Variants in GPR108 observed in about 807,000 individuals in gnomAD.
The protein encoded by GPR108 is protein GPR108.
Under a neutral mutation model 74.3 loss-of-function variants are expected in GPR108, and 60 were observed. The observed-to-expected ratio is 0.81, with a 90% CI of 0.66 to 1.00. The LOEUF (loss-of-function observed/expected upper bound fraction) is 1.00, where lower values mean the gene tolerates loss of function less well. GPR108 is among the 50% of genes least tolerant of loss of function. The pLI is 0.00. For synonymous variants in GPR108, 311 were observed against 292.4 expected, an observed-to-expected ratio of 1.06 and a Z score of -0.65; for missense variants, 667 against 703.3, an observed-to-expected ratio of 0.95 and a Z score of 0.58.
Position 6,734,048 on chromosome 19 carries a change from G to C in GPR108, c.506C>G (p.Thr169Ser). ...TGACTTGGGCTTGCTGGCTGCAGAG[G>C]TCCCTCCTGTAAGAGACCGGGCAGT... ...TVPRKVDGGG[T>S]SAASKPKSTP... Residue 169 changes from threonine (T) to serine (S), a missense_variant, in exon 6 of 18, where the codon ACC becomes AGC. Physicochemically the swap from Thr to Ser is moderately conservative, Grantham distance 58 (BLOSUM62 1). Coordinates refer to ENST00000264080, the MANE Select transcript of GPR108 (RefSeq NM_001080452.2). 6.2e-7 allele frequency: 1 copy of C among 1,614,182 alleles called. No homozygotes were observed. Among genetic ancestry groups the C allele is most frequent in the Admixed American group, 1.7e-5 (1 of 60,018 alleles).
In GPR108 at chr19:6,730,573, T is replaced by A; in HGVS notation, c.1560-189A>T. The A allele has an allele frequency of 7.1e-6, 4 of 563,524 alleles. No homozygotes were observed. In the Admixed American group the frequency reaches 1.2e-4, roughly 17 times the overall value. The allele number at this position is 563,524 out of a possible 1,614,324, so 34.9% of individuals were successfully genotyped here. A position where few individuals can be genotyped will look rare whatever the true frequency, so the allele number is the denominator to read the frequency against. ...AGCAGCGCAGGCCCTACCCTTCTAC[T>A]CCAACCACCTAGGCCCCGCCCCCAG... On this transcript the variant is annotated intron_variant, in intron 17 of 17. Transcript: ENST00000264080.
chr19:6,733,197 G>A lies in GPR108; in HGVS notation c.828C>T (p.Ile276=), dbSNP rs1411543058. 4 of 1,614,030 alleles carry A rather than the reference G, an allele frequency of 2.5e-6. No homozygotes were observed. The highest frequency in any genetic ancestry group is 3.3e-5 in the Admixed American group (2 of 60,010). ...TCCTGCAGAGGATGGACACCCAGAA[G>A]ATGCCAGCGGCCAGGAAGCAGGCGG... The part of the protein sequence containing the change: ...VMSACFLAAG[I]FWVSILCRNT... Residue 276 remains isoleucine, a synonymous_variant, in exon 9 of 18, where the codon ATC becomes ATT. Transcript: ENST00000264080.
intron 14 of GPR108, 36 bp from the exon 15 acceptor site, chr19:6,731,558 C>T: frequency 7.2e-6 from 1 of 138,734 alleles, no homozygotes; most frequent in East Asian, 1.9e-4. Flanking sequence ...TCAGGGGAGA[C>T]TGAGGGTGGG....
Position 6,730,296 on chromosome 19 carries a change from T to A in GPR108, c.*16A>T. 6.2e-7 allele frequency: 1 copy of A among 1,603,776 alleles called. No individual in the cohort carries two copies. Among genetic ancestry groups the A allele is most frequent in the Non-Finnish European group, 8.5e-7 (1 of 1,170,626 alleles). ...GCTGGGGGAGGACGACCCTTTGGTCTGAGATGTGGAGGTGATCATAACAGT... is the reference window on the plus strand; with the variant it reads ...GCTGGGGGAGGACGACCCTTTGGTCAGAGATGTGGAGGTGATCATAACAGT... On this transcript the variant is annotated 3_prime_UTR_variant, in exon 18 of 18. Transcript: ENST00000264080.
In GPR108 at chr19:6,730,343, T is replaced by C. The variant is rs376697654; in HGVS notation, c.1601A>G (p.Asn534Ser). The C allele has an allele frequency of 1.2e-6, 2 of 1,613,764 alleles. No individual in the cohort carries two copies. The highest frequency in any genetic ancestry group is 1.7e-6 in the Non-Finnish European group (2 of 1,179,894). ...CAGTTCCCGCCCGCTGGCTGTTTTG[T>C]TGACTTTGGAGAGGCCTTCCCGGAA... is the stretch of plus-strand genomic sequence containing the variant. ...SGFREGLSKV[N>S]KTASGRELL Residue 534 changes from asparagine (N) to serine (S), a missense_variant, in exon 18 of 18, where the codon AAC becomes AGC. Asn to Ser is a conservative substitution (Grantham distance 46). Transcript: ENST00000264080.
rs552931585 is a variant in GPR108 at position 6,734,022 on chromosome 19, T to C, written c.532A>G (p.Thr178Ala). The C allele has an allele frequency of 6.2e-7, 1 of 1,614,122 alleles. No homozygotes were observed. The highest frequency in any genetic ancestry group is 2.2e-5 in the East Asian group (1 of 44,882). The change falls in exon 6 of 18, where the codon ACA becomes GCA. Residue 178 changes from threonine to alanine, a missense_variant. Coordinates refer to ENST00000264080, the MANE Select transcript of GPR108 (RefSeq NM_001080452.2). The part of the protein sequence containing the change: ...GTSAASKPKS[T>A]PAVIQGPSGK... ...CCCGAAACCTGAATCACTGCGGGTGTTGACTTGGGCTTGCTGGCTGCAGAG... is the reference window on the plus strand; with the variant it reads ...CCCGAAACCTGAATCACTGCGGGTGCTGACTTGGGCTTGCTGGCTGCAGAG...
At chr19:6,733,105 C>G in intron 9 of GPR108, 43 bp from the exon 10 acceptor site, 6 of 1,613,440 alleles carry the variant, frequency 3.7e-6, no homozygotes, top group Non-Finnish European at 5.1e-6. Context: ...GGGGCATCAG[C>G]AGAGCATAGG....
intron 14 of GPR108, 30 bp downstream of exon 14, chr19:6,731,861 A>T: frequency 6.2e-7 from 1 of 1,610,120 alleles, no homozygotes; most frequent in Non-Finnish European, 8.5e-7. Flanking sequence ...TGGGGCCATG[A>T]GCAGAGGGCC....
intron 1 of GPR108, 69 bp downstream of exon 1, chr19:6,737,388 C>A (rs1307100563): frequency 9.1e-6 from 14 of 1,534,510 alleles, no homozygotes; most frequent in African/African-American, 1.4e-5. Context: ...CGAGACCACT[C>A]CAAGCCAGGG....
At chr19:6,733,966 G>C (rs1353552218) in intron 6 of GPR108, 39 bp downstream of exon 6, 8 of 1,614,120 alleles carry the variant, frequency 5.0e-6, no homozygotes, top group Non-Finnish European at 6.8e-6. Flanking sequence ...GCAGGGCCCT[G>C]GGGTGTGCAT....
rs1190134553 is a variant in GPR108, at chr19:6,733,827, G to A, written c.618+18C>T. ...GCTCTGGGGTGACGGAAGGGCCGCA[G>A]GCGCTGCAAACACTCACACTGAAGT... On this transcript the variant is annotated intron_variant, in intron 7 of 17. Coordinates refer to ENST00000264080, the MANE Select transcript of GPR108 (RefSeq NM_001080452.2). 1.2e-6 allele frequency: 2 copies of A among 1,613,686 alleles called. No homozygotes were observed. The highest frequency in any genetic ancestry group is 1.7e-6 in the Non-Finnish European group (2 of 1,179,730).
chr19:6,735,841 T>C, intron 3 of GPR108, 67 bp downstream of exon 3: 1 of 1,556,602 alleles, frequency 6.4e-7, no homozygotes, highest in East Asian at 2.3e-5. Context: ...GGGTTACAGA[T>C]GCAGAGGACA....
rs373802977 is a variant in GPR108, at chr19:6,730,957, C to T, written c.1559+30G>A. On this transcript the variant is annotated intron_variant, in intron 17 of 17. Transcript: ENST00000264080. ...CCACCCCCTACTCCACCCCCAGAGCCGCCGGCCCTGCCCATGGTGCCCAGC... is the reference window on the plus strand; with the variant it reads ...CCACCCCCTACTCCACCCCCAGAGCTGCCGGCCCTGCCCATGGTGCCCAGC... 2.4e-5 allele frequency: 38 copies of T among 1,610,236 alleles called. No homozygotes were observed. In the African/African-American group the frequency reaches 4.3e-4, roughly 18 times the overall value.
intron 4 of GPR108, 29 bp downstream of exon 4, chr19:6,735,593 T>G: frequency 6.3e-7 from 1 of 1,595,548 alleles, no homozygotes; most frequent in Non-Finnish European, 8.6e-7. Context: ...AGACGAAGGA[T>G]CTGAGCGAGC....
At chr19:6,732,704 G>A (rs932033080) in intron 10 of GPR108, 155 bp from the exon 11 acceptor site, 10 of 690,984 alleles carry the variant, frequency 1.4e-5, no homozygotes, top group African/African-American at 7.1e-5. Flanking sequence ...ACTGGTAATC[G>A]GGGCTGAAAA....
intron 3 of GPR108, 98 bp from the exon 4 acceptor site, chr19:6,735,802 C>T (rs530995179): frequency 1.3e-6 from 2 of 1,526,656 alleles, no homozygotes; most frequent in Non-Finnish European, 9.0e-7. Context: ...TCTTCCTGCT[C>T]CTGCCTCTGA....
intron 4 of GPR108, 58 bp from the exon 5 acceptor site, chr19:6,734,365 G>A (rs1968547037): frequency 4.5e-6 from 7 of 1,568,492 alleles, no homozygotes; most frequent in East Asian, 2.3e-5. Flanking sequence ...CTCAGGCACC[G>A]GCAAAGGACT....
intron 1 of GPR108, chr19:6,737,246 G>C: frequency 1.7e-6 from 1 of 589,976 alleles, no homozygotes; most frequent in Non-Finnish European, 2.8e-6. Context: ...GAAGGGAGGG[G>C]GCCGACCCCA....
Position 6,730,128 on chromosome 19 carries a change from C to T in GPR108, c.*184G>A. On this transcript the variant is annotated 3_prime_UTR_variant, in exon 18 of 18. Transcript: ENST00000264080. ...TGGTCCCGGGGTAAGGACAGGGCTG[C>T]CCAATATTTGGGGGGAGGAAGGGAC... 1 of 624,896 alleles carries T rather than the reference C, an allele frequency of 1.6e-6. No individual in the cohort carries two copies. The allele number at this position is 624,896 out of a possible 1,614,324, so 38.7% of individuals were successfully genotyped here.
Sources: allele counts gnomAD v4.1 joint callset, GRCh38; gene constraint gnomAD v4.1.1; transcripts MANE v1.5; gene names NCBI Gene and HGNC (gene_info 2026-07-23, HGNC 2026-07-21).